Variants in CHCHD3 observed in about 807,000 individuals in gnomAD.
CHCHD3 encodes MICOS complex subunit MIC19.
In CHCHD3, 20 loss-of-function variants were observed where a neutral mutation model predicts 38.2. That is an observed-to-expected ratio of 0.52 (90% confidence interval 0.37 to 0.76). CHCHD3 has a LOEUF of 0.76. Ranked by LOEUF, CHCHD3 falls within the 30% of genes least tolerant of loss-of-function variation. The pLI, the probability that CHCHD3 is intolerant of heterozygous loss-of-function variation, is 0.00. For synonymous variants in CHCHD3, 82 were observed against 100.0 expected (o/e 0.82, Z 1.07); for missense variants, 245 against 279.2 (o/e 0.88, Z 0.87).
chr7:132,807,976 C>G (rs1190150610), intron 6 of CHCHD3, among the ~76,000 whole-genome samples: 1 of 151,970 alleles, frequency 6.6e-6, no homozygotes, highest in Non-Finnish European at 1.5e-5. Flanking sequence ...CATTTCCACA[C>G]GTTTTGTGGC....
chr7:133,055,619 CAT>C lies in CHCHD3; in HGVS notation c.169+14521_169+14522del, dbSNP rs984874047. ...TATATCAAATTATAATTAATTATAA[CAT>C]GTGTTATACATTTAATTATATTATA... On this transcript the variant is annotated intron_variant, in intron 2 of 7. Transcript: ENST00000262570. Among the ~76,000 whole-genome samples, 48 of 146,754 alleles carry C rather than the reference CAT, an allele frequency of 3.3e-4. No individual in the cohort carries two copies. In the South Asian group the frequency reaches 4.3e-3, roughly 13 times the overall value.
chr7:132,936,318 A>G (rs1473264012), intron 4 of CHCHD3, among the ~76,000 whole-genome samples: 1 of 152,222 alleles, frequency 6.6e-6, no homozygotes, highest in Non-Finnish European at 1.5e-5. Context: ...AAAAGACTGT[A>G]GCTGCTACCA....
At chr7:132,864,102 C>A (rs978914579) in intron 5 of CHCHD3, among the ~76,000 whole-genome samples, 2 of 152,188 alleles carry the variant, frequency 1.3e-5, no homozygotes, top group Non-Finnish European at 2.9e-5. Flanking sequence ...TTGGTGCAAA[C>A]GGCACAGCTT....
At chr7:132,986,475 AGAAAG>A (rs1472919772) in intron 3 of CHCHD3, among the ~76,000 whole-genome samples, 1 of 152,132 alleles carries the variant, frequency 6.6e-6, no homozygotes, top group African/African-American at 2.4e-5. Context: ...TGGATTGCTA[AGAAAG>A]GAAAGGCTTA....
chr7:132,900,415 C>A (rs915229915), intron 4 of CHCHD3, among the ~76,000 whole-genome samples: 1 of 152,210 alleles, frequency 6.6e-6, no homozygotes. Context: ...TACATCAGCT[C>A]TCCTCTTGAT....
intron 2 of CHCHD3, among the ~76,000 whole-genome samples, chr7:133,067,079 T>G (rs1467438204): frequency 2.0e-5 from 3 of 152,336 alleles, no homozygotes; most frequent in African/African-American, 7.2e-5. Context: ...TCACTTCAAG[T>G]CTCAGTTTCT....
At chr7:132,955,173 G>GGTGTGTGTTTGT (rs1811129292) in intron 4 of CHCHD3, among the ~76,000 whole-genome samples, 1 of 126,226 alleles carries the variant, frequency 7.9e-6, no homozygotes, top group Non-Finnish European at 1.6e-5. Flanking sequence ...TCCCTCAGAG[G>GGTGTGTGTTTGT]GTGTGTGTGT....
chr7:132,809,847 C>T (rs1807022967), intron 6 of CHCHD3, among the ~76,000 whole-genome samples: 1 of 152,182 alleles, frequency 6.6e-6, no homozygotes, highest in South Asian at 2.1e-4. Context: ...CTATCTACAG[C>T]AGCGATAAGT....
intron 5 of CHCHD3, among the ~76,000 whole-genome samples, chr7:132,858,553 G>A (rs1808402480): frequency 6.6e-6 from 1 of 152,132 alleles, no homozygotes; most frequent in South Asian, 2.1e-4. Flanking sequence ...TCAACTTTCT[G>A]AGTTTTAGCC....
intron 7 of CHCHD3, 24 bp downstream of exon 7, chr7:132,796,418 C>T: frequency 6.2e-7 from 1 of 1,612,638 alleles, no homozygotes; most frequent in South Asian, 1.1e-5. Flanking sequence ...CCAGTGCCCC[C>T]AGTGGCCTGG....
intron 4 of CHCHD3, among the ~76,000 whole-genome samples, chr7:132,951,584 T>C (rs749486310): frequency 6.6e-6 from 1 of 152,224 alleles, no homozygotes; most frequent in Non-Finnish European, 1.5e-5. Context: ...TGTAGTAGGA[T>C]ATACCATCTA....
chr7:132,964,884 T>C (rs1811419013), intron 4 of CHCHD3, among the ~76,000 whole-genome samples: 1 of 152,222 alleles, frequency 6.6e-6, no homozygotes, highest in South Asian at 2.1e-4. Context: ...ATGGTTTCTA[T>C]GGAAATGGTA....
intron 3 of CHCHD3, among the ~76,000 whole-genome samples, chr7:132,976,951 C>A (rs770238176): frequency 2.0e-5 from 3 of 152,038 alleles, no homozygotes; most frequent in Non-Finnish European, 2.9e-5. Flanking sequence ...AAAAAGAGGA[C>A]TAGAAACAAG....
At chr7:132,866,088 C>A (rs780609787) in intron 5 of CHCHD3, among the ~76,000 whole-genome samples, 6 of 152,084 alleles carry the variant, frequency 3.9e-5, no homozygotes, top group Admixed American at 3.3e-4. Flanking sequence ...CTATGGACAA[C>A]GTTAAAGGAG....
chr7:133,081,634 C>A (rs1463098020), intron 1 of CHCHD3, among the ~76,000 whole-genome samples: 1 of 152,162 alleles, frequency 6.6e-6, no homozygotes, highest in Admixed American at 6.5e-5. Flanking sequence ...CTGGCATTCC[C>A]CGCCCGCCCC....
chr7:132,962,332 G>A (rs1349119074), intron 4 of CHCHD3, among the ~76,000 whole-genome samples: 4 of 151,946 alleles, frequency 2.6e-5, no homozygotes, highest in African/African-American at 7.3e-5. Context: ...ATAGAACTTC[G>A]AATTCTGTAA....
rs1811955318 is a variant in CHCHD3, at chr7:132,982,884, G to A, written c.252-7598C>T. Among the ~76,000 whole-genome samples, 3 of 151,358 alleles carry A rather than the reference G, an allele frequency of 2.0e-5. No homozygotes were observed. In the South Asian group the frequency reaches 6.3e-4, roughly 32 times the overall value. ...ATATTGAACATTTTTTTGAAGACTT[G>A]TAGCAATTTGATAAAACTCACAGAT... On this transcript the variant is annotated intron_variant, in intron 3 of 7. Transcript: ENST00000262570.
At chr7:132,916,816 A>G (rs1810117480) in intron 4 of CHCHD3, among the ~76,000 whole-genome samples, 1 of 152,170 alleles carries the variant, frequency 6.6e-6, no homozygotes, top group Admixed American at 6.5e-5. Flanking sequence ...CTGGGACTCA[A>G]GCAGTCCTCC....
intron 4 of CHCHD3, among the ~76,000 whole-genome samples, chr7:132,974,641 C>T (rs577019591): frequency 7.2e-5 from 11 of 152,182 alleles, no homozygotes; most frequent in Admixed American, 2.6e-4. Context: ...TTTGGGAAGC[C>T]GAGGCGGGTG....
Sources: gnomAD v4.1 joint callset for allele counts (sites outside exome capture counted in the v4.1 genomes callset) on GRCh38, gnomAD v4.1.1 for gene constraint, MANE v1.5 for transcripts, NCBI Gene and HGNC (gene_info 2026-07-23, HGNC 2026-07-21) for gene names.